Variants in BRAF observed in about 807,000 individuals in gnomAD.
BRAF encodes the protein serine/threonine-protein kinase B-raf.
BRAF carries 16 observed loss-of-function variants against 104.6 expected under a neutral mutation model. That is an observed-to-expected ratio of 0.15 (90% CI 0.10 to 0.23). The LOEUF (loss-of-function observed/expected upper bound fraction) is 0.23, where lower values mean the gene tolerates loss of function less well. Ranked by LOEUF, BRAF falls within the 10% of genes least tolerant of loss-of-function variation. The pLI, the probability that BRAF is intolerant of heterozygous loss-of-function variation, is 1.00. For synonymous variants in BRAF, 310 were observed against 341.6 expected (o/e 0.91, Z 1.02); for missense variants, 541 against 937.3 (o/e 0.58, Z 5.52).
At chr7:140,902,389 C>A (rs1224961094) in intron 1 of BRAF, among the ~76,000 whole-genome samples, 3 of 152,212 alleles carry the variant, frequency 2.0e-5, no homozygotes, top group African/African-American at 7.2e-5. Context: ...CCTTCTTGGG[C>A]CTCCTATTCC....
rs528582857 is a variant in BRAF, at chr7:140,778,211, G to C, written c.1553-136C>G. 1.8e-4 allele frequency: 149 copies of C among 814,318 alleles called. 2 individuals are homozygous for C. The highest frequency in any genetic ancestry group is 1.4e-3 in the South Asian group (96 of 66,986). The allele number at this position is 814,318 out of a possible 1,614,324, so 50.4% of individuals were successfully genotyped here. Reference sequence around the variant, plus strand: ...TAAATCACAAATAAATTATACTTTAGCTATCTAAACTCCATTTGTTTTCTA... The same window carrying C: ...TAAATCACAAATAAATTATACTTTACCTATCTAAACTCCATTTGTTTTCTA... On this transcript the variant is annotated intron_variant, in intron 12 of 19. Coordinates refer to ENST00000644969, the MANE Select transcript of BRAF (RefSeq NM_001374258.1).
chr7:140,872,193 C>A (rs1195189989), intron 1 of BRAF, among the ~76,000 whole-genome samples: 3 of 149,036 alleles, frequency 2.0e-5, no homozygotes, highest in African/African-American at 5.1e-5. Context: ...CCAGCCTGGG[C>A]AACAAGAGTG....
rs185821589 is a variant in BRAF at position 140,893,493 on chromosome 7, C to T, written c.138+31073G>A. On this transcript the variant is annotated intron_variant, in intron 1 of 19. Transcript: ENST00000644969. The stretch of plus-strand genomic sequence containing the variant: ...CTCGATCTCTTGACCTCGTGATCTG[C>T]CCACCTCGGCCTCCCAAAGTGCTGT... 4.7e-4 allele frequency among the ~76,000 whole-genome samples: 71 copies of T among 152,158 alleles called. 1 individual carries two copies. Among genetic ancestry groups the T allele is most frequent in the African/African-American group, 1.3e-3 (53 of 41,514 alleles).
intron 19 of BRAF, chr7:140,732,211 A>T (rs67648154): frequency 1.0e-4 from 12 of 119,872 alleles, no homozygotes; most frequent in South Asian, 2.8e-4. Context: ...AAAAAAAAAA[A>T]GGAAATCAAC....
At chr7:140,793,517 T>C (rs1802189741) in intron 8 of BRAF, among the ~76,000 whole-genome samples, 1 of 151,940 alleles carries the variant, frequency 6.6e-6, no homozygotes, top group African/African-American at 2.4e-5. Flanking sequence ...TTTTCTTTTA[T>C]ATTAATATTT....
chr7:140,745,393 A>T (rs549048094), intron 17 of BRAF, among the ~76,000 whole-genome samples: 2 of 152,350 alleles, frequency 1.3e-5, no homozygotes, highest in Non-Finnish European at 2.9e-5. Flanking sequence ...GAATTTAGTT[A>T]GTGCAGAGCA....
intron 1 of BRAF, among the ~76,000 whole-genome samples, chr7:140,883,006 A>AAAATAAAGT (rs1281813551): frequency 2.0e-5 from 3 of 146,998 alleles, no homozygotes; most frequent in African/African-American, 7.9e-5. Flanking sequence ...AAAATAAAAT[A>AAAATAAAGT]AAATAAAGTA....
intron 3 of BRAF, among the ~76,000 whole-genome samples, chr7:140,822,858 T>C (rs936237787): frequency 6.6e-6 from 1 of 152,186 alleles, no homozygotes; most frequent in African/African-American, 2.4e-5. Context: ...AGGGTCTTGC[T>C]CTTTCACCCA....
chr7:140,739,145 A>T (rs1416755647), intron 18 of BRAF, among the ~76,000 whole-genome samples: 1 of 152,168 alleles, frequency 6.6e-6, no homozygotes, highest in African/African-American at 2.4e-5. Context: ...AGTGGTTCAC[A>T]AAATGTGGTC....
chr7:140,821,896 T>A (rs1382345837), intron 3 of BRAF, among the ~76,000 whole-genome samples: 1 of 152,140 alleles, frequency 6.6e-6, no homozygotes, highest in Non-Finnish European at 1.5e-5. Flanking sequence ...CTGGAAGCCA[T>A]TATCCTAAGC....
In BRAF at chr7:140,789,631, T is replaced by C. The variant is rs137975640; in HGVS notation, c.1141-2047A>G. ...CTCATGGGAAGTAAGATGCACACAT[T>C]GGAAGTAAGTGAAAATCAAATAATT... On this transcript the variant is annotated intron_variant, in intron 8 of 19. Transcript: ENST00000644969. Among the ~76,000 whole-genome samples, 373 of 152,310 alleles carry C rather than the reference T, an allele frequency of 2.4e-3. 3 individuals carry two copies. Among genetic ancestry groups the C allele is most frequent in the African/African-American group, 8.6e-3 (357 of 41,570 alleles).
chr7:140,872,949 T>A (rs1157580350), intron 1 of BRAF, among the ~76,000 whole-genome samples: 2 of 152,168 alleles, frequency 1.3e-5, no homozygotes, highest in African/African-American at 4.8e-5. Context: ...CAGATTGTTG[T>A]ATGCTAGAAA....
At chr7:140,854,763 G>A (rs1809582096) in intron 1 of BRAF, among the ~76,000 whole-genome samples, 1 of 151,952 alleles carries the variant, frequency 6.6e-6, no homozygotes. Flanking sequence ...TGGCCAACAC[G>A]GTGAAACCCC....
In BRAF at chr7:140,777,180, T is replaced by C. The variant is rs535868809; in HGVS notation, c.1638-92A>G. The C allele has an allele frequency of 1.1e-5, 15 of 1,402,944 alleles. No homozygotes were observed. The South Asian group carries it at 1.1e-4, about 11-fold the overall frequency. 86.9% of individuals were successfully genotyped at this position (1,402,944 alleles called of 1,614,324 possible). The stretch of plus-strand genomic sequence containing the variant: ...ACCAAAGTAGTCTGTCGGTAAAATG[T>C]TGTCAGAAAAAGCTTTTTTTTTTTT... On this transcript the variant is annotated intron_variant, in intron 13 of 19. Transcript: ENST00000644969.
At chr7:140,809,900 T>G (rs1804054341) in intron 3 of BRAF, among the ~76,000 whole-genome samples, 1 of 129,320 alleles carries the variant, frequency 7.7e-6, no homozygotes, top group African/African-American at 4.5e-5. Flanking sequence ...CTCTGTATAT[T>G]TAAAGTTATC....
intron 1 of BRAF, among the ~76,000 whole-genome samples, chr7:140,919,830 G>GTTTTTTTTT (rs71522121): frequency 6.7e-6 from 1 of 148,288 alleles, no homozygotes. Flanking sequence ...AAGTTTTTTT[G>GTTTTTTTTT]TTTTTTTTTT....
chr7:140,740,962 T>C (rs946597826), intron 17 of BRAF: 2 of 152,208 alleles, frequency 1.3e-5, no homozygotes, highest in African/African-American at 4.8e-5. Context: ...AACATCATCA[T>C]TTTAATGGAA....
Position 140,725,480 on chromosome 7 carries a change from A to G in BRAF, c.*1014T>C, listed in dbSNP as rs1690189407. On this transcript the variant is annotated 3_prime_UTR_variant, in exon 20 of 20. Transcript: ENST00000644969. ...ATTATTTTCTTTTTAATAAAAATAG[A>G]AAAGAAGAAACTCAGAAATTAAAAC... 1.1e-6 allele frequency: 1 copy of G among 943,948 alleles called. No homozygotes were observed. The highest frequency in any genetic ancestry group is 5.6e-5 in the Admixed American group (1 of 17,716). 58.5% of individuals were successfully genotyped at this position (943,948 alleles called of 1,614,324 possible). A position where few individuals can be genotyped will look rare whatever the true frequency, so the allele number is the denominator to read the frequency against.
intron 3 of BRAF, among the ~76,000 whole-genome samples, chr7:140,815,309 G>GT (rs569027448): frequency 0.02 from 2,896 of 145,666 alleles, 41 homozygotes; most frequent in African/African-American, 0.045. Context: ...GGCTAATTTT[G>GT]TTTTTTTTTG....
Sources: allele counts gnomAD v4.1 joint callset (sites outside exome capture counted in the v4.1 genomes callset), GRCh38; gene constraint gnomAD v4.1.1; transcripts MANE v1.5; gene names NCBI Gene and HGNC (gene_info 2026-07-23, HGNC 2026-07-21).